Variants in MSI1 observed in about 807,000 individuals in gnomAD.
MSI1 encodes RNA-binding protein Musashi homolog 1.
MSI1 carries 15 observed loss-of-function variants against 54.4 expected under a neutral mutation model. The observed-to-expected ratio is 0.28, with a 90% CI of 0.18 to 0.42. MSI1 has a LOEUF of 0.42. MSI1 is among the 20% of genes least tolerant of loss of function. The probability of loss-of-function intolerance (pLI) is 1.00; values close to 1 mark genes in which losing one functional copy is unlikely to be tolerated. For missense variants in MSI1, 304 were observed against 506.0 expected (o/e 0.60, Z 3.83); for synonymous variants, 200 against 196.5 (o/e 1.02, Z -0.15).
chr12:120,347,477 T>C lies in MSI1; in HGVS notation c.828A>G (p.Ala276=), dbSNP rs150872271. Residue 276 remains alanine, a synonymous_variant, in exon 12 of 15, where the codon GCA becomes GCG. Transcript: ENST00000257552. ...CTCGAACCACAGCCGCTGCCGCCGC[T>C]GCCGCCGCCATTGGTCCGTAGGCAG... The part of the protein sequence containing the change: ...PLTAYGPMAA[A]AAAAAVVRGT... The C allele has an allele frequency of 1.5e-3, 2,351 of 1,614,092 alleles. 7 individuals carry two copies. Among genetic ancestry groups the C allele is most frequent in the East Asian group, 0.01 (462 of 44,880 alleles).
chr12:120,345,237 C>G (rs1874012671), intron 14 of MSI1, among the ~76,000 whole-genome samples: 1 of 151,492 alleles, frequency 6.6e-6, no homozygotes, highest in African/African-American at 2.4e-5. Flanking sequence ...GCTTGCAGTC[C>G]CAGCTACTCG....
intron 14 of MSI1, among the ~76,000 whole-genome samples, chr12:120,344,138 G>C (rs1324216196): frequency 6.6e-6 from 1 of 152,202 alleles, no homozygotes; most frequent in Non-Finnish European, 1.5e-5. Context: ...TTATAGGCGT[G>C]AGCCACTGCG....
At position 120,368,330 on chromosome 12, in the gene MSI1, C is replaced by A; in HGVS notation, c.101-57G>T. 1.3e-6 allele frequency: 2 copies of A among 1,527,100 alleles called. No homozygotes were observed. Among genetic ancestry groups the A allele is most frequent in the South Asian group, 1.2e-5 (1 of 83,040 alleles). The allele number at this position is 1,527,100 out of a possible 1,614,324, so 94.6% of individuals were successfully genotyped here. On this transcript the variant is annotated intron_variant, in intron 2 of 14. Transcript: ENST00000257552. This position sits in a 1 kb window ranked among gnomAD's most constrained non-coding sequence, Gnocchi z 6.6. ...CGGGCCCCGCGCCCTTCCCCCCCCC[C>A]CGTCCTTTGCCCCCGGTGACCCCGG...
intron 5 of MSI1, among the ~76,000 whole-genome samples, chr12:120,363,624 G>T (rs1028251115): frequency 6.6e-6 from 1 of 152,186 alleles, no homozygotes; most frequent in East Asian, 1.9e-4. Context: ...CCCCAGGAGC[G>T]CATGGCTAAT....
intron 9 of MSI1, 135 bp downstream of exon 9, chr12:120,356,767 C>T (rs1875158361): frequency 3.7e-6 from 3 of 805,290 alleles, no homozygotes; most frequent in Non-Finnish European, 6.1e-6. Context: ...CGACAGATCC[C>T]TTGTCCCCAC....
At chr12:120,362,150 G>A (rs1461005232) in intron 6 of MSI1, among the ~76,000 whole-genome samples, 1 of 151,640 alleles carries the variant, frequency 6.6e-6, no homozygotes, top group Non-Finnish European at 1.5e-5. Context: ...AGCTGGCCAG[G>A]GGACACCTCC....
Position 120,368,310 on chromosome 12 carries a change from C to T in MSI1, c.101-37G>A. ...CACCCGCCTTCGGACCAGCCCGGGC[C>T]CCGCGCCCTTCCCCCCCCCCCGTCC... is the stretch of plus-strand genomic sequence containing the variant. On this transcript the variant is annotated intron_variant, in intron 2 of 14. Transcript: ENST00000257552. The surrounding 1 kb of genome is among the most constrained non-coding windows in gnomAD (Gnocchi z 6.6). 1 of 1,507,394 alleles carries T rather than the reference C, an allele frequency of 6.6e-7. No individual in the cohort carries two copies. Among genetic ancestry groups the T allele is most frequent in the Non-Finnish European group, 8.8e-7 (1 of 1,133,776 alleles). The allele number at this position is 1,507,394 out of a possible 1,614,324, so 93.4% of individuals were successfully genotyped here.
chr12:120,363,236 C>G, intron 5 of MSI1, 101 bp from the exon 6 acceptor site: 1 of 943,024 alleles, frequency 1.1e-6, no homozygotes, highest in East Asian at 2.4e-5. Flanking sequence ...CTGACAAGCT[C>G]TCTGTGGCCC....
intron 8 of MSI1, 28 bp from the exon 9 acceptor site, chr12:120,357,047 T>C (rs1322217480): frequency 6.3e-7 from 1 of 1,592,942 alleles, no homozygotes; most frequent in Admixed American, 1.7e-5. Context: ...GGTTAGTCTT[T>C]CCCACAGAGC....
chr12:120,340,114 TC>T (rs1873618828), downstream of MSI1, among the ~76,000 whole-genome samples: 1 of 148,752 alleles, frequency 6.7e-6, no homozygotes, highest in Admixed American at 6.8e-5. Context: ...TTTGAGACAG[TC>T]TCACTCCGTC....
At chr12:120,367,428 G>A (rs752563600) in intron 4 of MSI1, among the ~76,000 whole-genome samples, 16 of 152,142 alleles carry the variant, frequency 1.1e-4, no homozygotes, top group African/African-American at 1.7e-4. Flanking sequence ...CTAGTCTTCC[G>A]AAGGGTCGTT....
chr12:120,345,346 C>T (rs1393746185), intron 14 of MSI1, among the ~76,000 whole-genome samples: 1 of 152,034 alleles, frequency 6.6e-6, no homozygotes, highest in Non-Finnish European at 1.5e-5. Context: ...TCTTTGCCAA[C>T]CTGATAGGTG....
intron 5 of MSI1, 118 bp from the exon 6 acceptor site, chr12:120,363,253 C>A: frequency 2.8e-6 from 2 of 714,906 alleles, no homozygotes; most frequent in African/African-American, 2.3e-5. Context: ...GCCCCAGCCT[C>A]TTTAAAGGCC....
rs758899841 is a variant in MSI1, at chr12:120,353,303, G to C, written c.729C>G (p.Phe243Leu). 1.9e-6 allele frequency: 3 copies of C among 1,613,972 alleles called. No homozygotes were observed. The highest frequency in any genetic ancestry group is 3.3e-5 in the Admixed American group (2 of 60,016). Residue 243 changes from phenylalanine (F) to leucine (L), a missense_variant, in exon 10 of 15, where the codon TTC (phenylalanine) becomes TTG (leucine). Phe to Leu is a conservative substitution (Grantham distance 22). This residue lies in a region of MSI1 where 147 missense variants were observed against 231.5 expected (regional missense o/e 0.64). Coordinates refer to ENST00000257552, the MANE Select transcript of MSI1 (RefSeq NM_002442.4). ...GGGATACTGAGCAGGACTTACCGGG[G>C]AACTGGTAGGTGTAGCCAGGGGCGA... Reference protein sequence around the residue: ...TGLAPGYTYQFPEFRVERTPL... With the variant: ...TGLAPGYTYQLPEFRVERTPL...
chr12:120,368,295 C>A lies in MSI1; in HGVS notation c.101-22G>T. The A allele has an allele frequency of 6.5e-7, 1 of 1,548,526 alleles. No homozygotes were observed. The highest frequency in any genetic ancestry group is 8.7e-7 in the Non-Finnish European group (1 of 1,146,760). On this transcript the variant is annotated intron_variant, in intron 2 of 14. Transcript: ENST00000257552. This position sits in a 1 kb window ranked among gnomAD's most constrained non-coding sequence, Gnocchi z 6.6. ...CCTTCTGTAACCACACACCCGCCTT[C>A]GGACCAGCCCGGGCCCCGCGCCCTT...
intron 9 of MSI1, among the ~76,000 whole-genome samples, chr12:120,356,053 G>A (rs1256253794): frequency 1.3e-5 from 2 of 152,142 alleles, no homozygotes; most frequent in East Asian, 3.9e-4. Flanking sequence ...GCTGACTCCT[G>A]CTCAGCTTTC....
intron 6 of MSI1, 24 bp from the exon 7 acceptor site, chr12:120,359,077 G>A (rs1875407612): frequency 5.2e-6 from 8 of 1,552,870 alleles, no homozygotes; most frequent in Non-Finnish European, 7.0e-6. Flanking sequence ...CGCCATGGAG[G>A]ACCCAGCAGA....
intron 6 of MSI1, among the ~76,000 whole-genome samples, chr12:120,361,968 G>A (rs1184173532): frequency 1.3e-5 from 2 of 151,782 alleles, no homozygotes; most frequent in African/African-American, 4.8e-5. Flanking sequence ...GAGCTCTAAT[G>A]CTCGGCGCTC....
At chr12:120,345,745 C>G in intron 13 of MSI1, 113 bp from the exon 14 acceptor site, 1 of 1,317,412 alleles carries the variant, frequency 7.6e-7, no homozygotes, top group Non-Finnish European at 1.1e-6. Flanking sequence ...TCTACCTGTC[C>G]GGATCGCCCC....
Sources: gnomAD v4.1 joint callset for allele counts (sites outside exome capture counted in the v4.1 genomes callset) on GRCh38, gnomAD v4.1.1 for gene constraint, gnomAD v4.1.1 regional missense constraint, Gnocchi (gnomAD v3.1) non-coding constraint, MANE v1.5 for transcripts, NCBI Gene and HGNC (gene_info 2026-07-23, HGNC 2026-07-21) for gene names.